TMEM232: variants seen among roughly 807,000 people sequenced by gnomAD.
TMEM232 encodes the protein transmembrane protein 232.
In TMEM232, 80 loss-of-function variants were observed where a neutral mutation model predicts 78.8. That is an observed-to-expected ratio of 1.01 (90% CI 0.85 to 1.22). TMEM232 has a LOEUF of 1.22. Ranked by LOEUF, TMEM232 falls within the 50% of genes most tolerant of loss-of-function variation. The pLI is 0.00. For synonymous variants in TMEM232, 297 were observed against 254.3 expected, an observed-to-expected ratio of 1.17 and a Z score of -1.60; for missense variants, 881 against 742.2, an observed-to-expected ratio of 1.19 and a Z score of -2.17.
At chr5:110,475,881 A>C (rs532163519) in intron 12 of TMEM232, among the ~76,000 whole-genome samples, 1 of 152,124 alleles carries the variant, frequency 6.6e-6, no homozygotes, top group African/African-American at 2.4e-5. Context: ...ATCAATTTCT[A>C]ACCAAAGTGG....
chr5:110,515,765 CG>C (rs1554096278), intron 12 of TMEM232, among the ~76,000 whole-genome samples: 1 of 152,192 alleles, frequency 6.6e-6, no homozygotes, highest in Non-Finnish European at 1.5e-5. Context: ...TCTACTACTA[CG>C]GCACCAGCTC....
chr5:110,667,216 T>C lies in TMEM232; in HGVS notation c.125+12A>G, dbSNP rs1327112389. 6.5e-7 allele frequency: 1 copy of C among 1,535,930 alleles called. No homozygotes were observed. The highest frequency in any genetic ancestry group is 8.8e-7 in the Non-Finnish European group (1 of 1,138,240). ...CAATACATATGGGTCCTATAATTAT[T>C]TTCTAGCTTACCTTGATTTATGACC... On this transcript the variant is annotated intron_variant, in intron 2 of 13. Coordinates refer to ENST00000455884, the MANE Select transcript of TMEM232 (RefSeq NM_001039763.4).
chr5:110,420,427 A>G lies in TMEM232; in HGVS notation c.*153T>C, dbSNP rs1454720063. 1.9e-6 allele frequency: 1 copy of G among 521,812 alleles called. No homozygotes were observed. Among genetic ancestry groups the G allele is most frequent in the Non-Finnish European group, 3.2e-6 (1 of 314,576 alleles). The allele number at this position is 521,812 out of a possible 1,614,324, so 32.3% of individuals were successfully genotyped here. ...GAACTAAGAAATAACTATTAAACAA[A>G]CAGCTTGTATCAGGAAAACAAATTC... On this transcript the variant is annotated 3_prime_UTR_variant, in exon 14 of 14. Transcript: ENST00000455884.
intron 12 of TMEM232, among the ~76,000 whole-genome samples, chr5:110,510,648 A>G (rs1329523508): frequency 6.6e-6 from 1 of 152,218 alleles, no homozygotes; most frequent in African/African-American, 2.4e-5. Context: ...ATGAACAGAC[A>G]CTTCTCAAAA....
intron 2 of TMEM232, among the ~76,000 whole-genome samples, chr5:110,655,606 C>T (rs1247239588): frequency 3.4e-5 from 5 of 147,948 alleles, no homozygotes; most frequent in African/African-American, 7.5e-5. Flanking sequence ...CACATGCACA[C>T]GTATGTTTAT....
rs1220122834 is a variant in TMEM232 at position 110,528,626 on chromosome 5, C to T, written c.1665G>A (p.Leu555=). 5 of 1,532,012 alleles carry T rather than the reference C, an allele frequency of 3.3e-6. No individual in the cohort carries two copies. The highest frequency in any genetic ancestry group is 2.7e-5 in the African/African-American group (2 of 72,860). The allele number at this position is 1,532,012 out of a possible 1,614,324, so 94.9% of individuals were successfully genotyped here. Residue 555 remains leucine (L), a synonymous_variant, in exon 12 of 14, where the codon CTG becomes CTA. Transcript: ENST00000455884. ...KDQTKYPNKK[L]ESVKKQVLHF... ...GTAGAACTTGCTTTTTCACAGACTC[C>T]AGCTTTTTATTTGGATATTTTGTTT...
chr5:110,710,347 A>T lies in TMEM232; in HGVS notation c.-13+16280T>A, dbSNP rs57185364. ...TAAAGAAGAATACCACTGTACTCAA[A>T]CTATTCCAAAAAATATAGGAGGAAG... On this transcript the variant is annotated intron_variant, in intron 1 of 13. Transcript: ENST00000455884. Among the ~76,000 whole-genome samples the T allele has an allele frequency of 9.5e-3, 1,449 of 152,258 alleles. 19 individuals are homozygous for T. The highest frequency in any genetic ancestry group is 0.033 in the African/African-American group (1,391 of 41,562).
intron 1 of TMEM232, among the ~76,000 whole-genome samples, chr5:110,694,280 G>A (rs1161299685): frequency 1.3e-5 from 2 of 152,128 alleles, no homozygotes; most frequent in Non-Finnish European, 2.9e-5. Context: ...CACCAGGCCT[G>A]CCCTAAAAGA....
At chr5:110,632,631 C>T (rs1190916172) in intron 5 of TMEM232, among the ~76,000 whole-genome samples, 1 of 151,696 alleles carries the variant, frequency 6.6e-6, no homozygotes, top group East Asian at 1.9e-4. Flanking sequence ...AGTGTTTAAA[C>T]AATAAACTAA....
chr5:110,519,351 C>A (rs933407971), intron 12 of TMEM232, among the ~76,000 whole-genome samples: 2 of 152,042 alleles, frequency 1.3e-5, no homozygotes, highest in East Asian at 1.9e-4. Flanking sequence ...TTAGAAGAAG[C>A]ATAAGGTACT....
At chr5:110,654,711 G>C (rs1788793224) in intron 2 of TMEM232, among the ~76,000 whole-genome samples, 1 of 152,102 alleles carries the variant, frequency 6.6e-6, no homozygotes, top group Non-Finnish European at 1.5e-5. Context: ...AGATGGGGAT[G>C]GCATTGAATC....
intron 1 of TMEM232, among the ~76,000 whole-genome samples, chr5:110,694,293 T>C (rs915059198): frequency 6.6e-6 from 1 of 151,808 alleles, no homozygotes; most frequent in Non-Finnish European, 1.5e-5. Context: ...CTAAAAGAGC[T>C]CCTGAAGGAA....
chr5:110,404,498 G>A (rs577740702), intron 2 of TMEM232, among the ~76,000 whole-genome samples: 8 of 151,910 alleles, frequency 5.3e-5, no homozygotes, highest in Non-Finnish European at 1.0e-4. Context: ...GTTTATTCAG[G>A]GCAGATCTAG....
At chr5:110,570,251 C>CATATA (rs1393206496) in intron 10 of TMEM232, among the ~76,000 whole-genome samples, 2 of 151,902 alleles carry the variant, frequency 1.3e-5, no homozygotes, top group East Asian at 3.9e-4. Flanking sequence ...TTTGAAATAA[C>CATATA]ATATAAAACA....
chr5:110,421,747 T>C (rs1756667078), intron 13 of TMEM232, among the ~76,000 whole-genome samples: 1 of 152,116 alleles, frequency 6.6e-6, no homozygotes, highest in Non-Finnish European at 1.5e-5. Context: ...AACATCAGAG[T>C]CCATAGCATG....
At chr5:110,718,562 G>A (rs962949151) in intron 1 of TMEM232, among the ~76,000 whole-genome samples, 7 of 152,004 alleles carry the variant, frequency 4.6e-5, no homozygotes, top group Admixed American at 3.3e-4. Flanking sequence ...CCTATGAAAC[G>A]TCTGAGAGTG....
intron 12 of TMEM232, among the ~76,000 whole-genome samples, chr5:110,471,173 G>A (rs934087856): frequency 9.2e-5 from 14 of 152,112 alleles, no homozygotes; most frequent in Admixed American, 7.2e-4. Flanking sequence ...CTCTGAACTT[G>A]AAGACTGGTC....
chr5:110,495,306 T>C (rs1765528860), intron 12 of TMEM232, among the ~76,000 whole-genome samples: 1 of 151,984 alleles, frequency 6.6e-6, no homozygotes, highest in African/African-American at 2.4e-5. Flanking sequence ...CTAAGGGAGT[T>C]TTAAAATAAT....
intron 1 of TMEM232, among the ~76,000 whole-genome samples, chr5:110,715,635 A>C (rs565331297): frequency 1.3e-5 from 2 of 152,292 alleles, no homozygotes; most frequent in East Asian, 3.9e-4. Context: ...TAAAATTCTA[A>C]GCCCGCTTCG....
Sources: allele counts gnomAD v4.1 joint callset (sites outside exome capture counted in the v4.1 genomes callset), GRCh38; gene constraint gnomAD v4.1.1; transcripts MANE v1.5; gene names NCBI Gene and HGNC (gene_info 2026-07-23, HGNC 2026-07-21).